DIAPH3: variants seen among roughly 807,000 people sequenced by gnomAD.
DIAPH3 encodes diaphanous related formin 3, also known as protein diaphanous homolog 3.
DIAPH3 carries 117 observed loss-of-function variants against 144.3 expected under a neutral mutation model. The ratio of observed to expected loss-of-function variants is 0.81; its 90% confidence interval spans 0.70 to 0.95. The LOEUF is 0.95. DIAPH3 is among the 40% of genes least tolerant of loss of function. DIAPH3 has a pLI of 0.00. For missense variants in DIAPH3, 1,421 were observed against 1,412.7 expected (o/e 1.01, Z -0.09); for synonymous variants, 519 against 488.9 (o/e 1.06, Z -0.81).
At chr13:59,692,921 A>G (rs2033612256) in intron 27 of DIAPH3, among the ~76,000 whole-genome samples, 1 of 152,198 alleles carries the variant, frequency 6.6e-6, no homozygotes, top group Non-Finnish European at 1.5e-5. Context: ...CTTACATTCT[A>G]TTGGCAAAGG....
At chr13:59,785,187 G>C (rs933319748) in intron 25 of DIAPH3, among the ~76,000 whole-genome samples, 1 of 152,076 alleles carries the variant, frequency 6.6e-6, no homozygotes, top group Non-Finnish European at 1.5e-5. Flanking sequence ...TAAGTGACTG[G>C]CTCAACCACA....
In DIAPH3 at chr13:59,672,987, A is replaced by T. The variant is rs530343845; in HGVS notation, c.3320-6141T>A. On this transcript the variant is annotated intron_variant, in intron 27 of 27. Transcript: ENST00000400324. ...GAAACTATTATATAAACTTCTATTC[A>T]TTCTTGTTCTGTATCACTATCCTTT... Among the ~76,000 whole-genome samples, 8 of 152,346 alleles carry T rather than the reference A, an allele frequency of 5.3e-5. No homozygotes were observed. In the East Asian group the frequency reaches 1.3e-3, roughly 26 times the overall value.
chr13:59,919,081 GA>G (rs1195668809), intron 18 of DIAPH3, among the ~76,000 whole-genome samples: 2 of 150,680 alleles, frequency 1.3e-5, no homozygotes, highest in South Asian at 4.2e-4. Context: ...TCAAGCAGAA[GA>G]AAAAAATCTG....
chr13:59,970,146 C>G lies in DIAPH3; in HGVS notation c.1960-88G>C. Reference sequence around the variant, plus strand: ...ACTATGCATACACTGAGTATCATAGCTGTCAGCAGATATTTATAAAGTCGT... The same window carrying G: ...ACTATGCATACACTGAGTATCATAGGTGTCAGCAGATATTTATAAAGTCGT... On this transcript the variant is annotated intron_variant, in intron 16 of 27. Transcript: ENST00000400324. 3 of 605,894 alleles carry G rather than the reference C, an allele frequency of 5.0e-6. No homozygotes were observed. The East Asian group carries it at 9.7e-5, about 20-fold the overall frequency. The allele number at this position is 605,894 out of a possible 1,614,324, so 37.5% of individuals were successfully genotyped here. A position where few individuals can be genotyped will look rare whatever the true frequency, so the allele number is the denominator to read the frequency against.
intron 21 of DIAPH3, among the ~76,000 whole-genome samples, chr13:59,873,070 G>C (rs2140013097): frequency 6.6e-6 from 1 of 152,304 alleles, no homozygotes; most frequent in East Asian, 1.9e-4. Flanking sequence ...TAGATTAAAT[G>C]TGTTAATGAA....
chr13:60,109,668 TA>T (rs1327520437), intron 3 of DIAPH3, among the ~76,000 whole-genome samples: 5 of 152,296 alleles, frequency 3.3e-5, no homozygotes, highest in African/African-American at 1.2e-4. Flanking sequence ...CTGGGACTTT[TA>T]ACCAGGATCA....
intron 1 of DIAPH3, among the ~76,000 whole-genome samples, chr13:60,161,510 G>A (rs1594810115): frequency 6.6e-6 from 1 of 152,274 alleles, no homozygotes; most frequent in East Asian, 1.9e-4. Flanking sequence ...TGGAACTTCT[G>A]CCCATGTTAA....
At chr13:59,901,479 C>T (rs1004544604) in intron 20 of DIAPH3, among the ~76,000 whole-genome samples, 1 of 152,202 alleles carries the variant, frequency 6.6e-6, no homozygotes, top group Non-Finnish European at 1.5e-5. Context: ...TCCTTCCTAA[C>T]CACACAAATT....
intron 4 of DIAPH3, among the ~76,000 whole-genome samples, chr13:60,050,721 T>C (rs2056298716): frequency 6.6e-6 from 1 of 152,142 alleles, no homozygotes; most frequent in Admixed American, 6.5e-5. Flanking sequence ...CTGAGTGGGA[T>C]GGATAAGTAT....
chr13:59,826,280 C>A (rs1350764228), intron 24 of DIAPH3, among the ~76,000 whole-genome samples: 2 of 86,044 alleles, frequency 2.3e-5, no homozygotes, highest in Non-Finnish European at 5.3e-5. Flanking sequence ...ATCTAGAAAA[C>A]CCCATCGTCT....
In DIAPH3 at chr13:60,015,963, T is replaced by C; in HGVS notation, c.721A>G (p.Lys241Glu). Reference protein sequence around the residue: ...SGKIQEKVVKKNQHKVIQCLK... With the variant: ...SGKIQEKVVKENQHKVIQCLK... ...CACTGTATGACTTTATGTTGATTTT[T>C]CTTTACAACTTTTTCTTGGCTGTAT... Residue 241 changes from lysine to glutamate, a missense_variant, in exon 7 of 28, where the codon AAA becomes GAA. By Grantham distance (56) the Lys-to-Glu change is moderately conservative. Transcript: ENST00000400324. 1 of 1,613,502 alleles carries C rather than the reference T, an allele frequency of 6.2e-7. No homozygotes were observed. The highest frequency in any genetic ancestry group is 1.1e-5 in the South Asian group (1 of 91,034).
At chr13:59,833,456 C>T (rs1593598294) in intron 23 of DIAPH3, among the ~76,000 whole-genome samples, 185 bp from the exon 24 acceptor site, 1 of 151,660 alleles carries the variant, frequency 6.6e-6, no homozygotes, top group East Asian at 1.9e-4. Context: ...ATCTTAAATT[C>T]AATTTCCAAT....
intron 25 of DIAPH3, among the ~76,000 whole-genome samples, chr13:59,786,420 A>G (rs1018087288): frequency 1.3e-5 from 2 of 152,180 alleles, no homozygotes; most frequent in African/African-American, 4.8e-5. Context: ...AAATGGTAAT[A>G]TAAATATACT....
chr13:59,987,991 A>T (rs2051539920), intron 12 of DIAPH3, among the ~76,000 whole-genome samples: 1 of 151,672 alleles, frequency 6.6e-6, no homozygotes. Flanking sequence ...TTCCTCTCTA[A>T]ATTCTAAAGT....
In DIAPH3 at chr13:60,025,302, C is replaced by A. The variant is rs181482257; in HGVS notation, c.627-9157G>T. Among the ~76,000 whole-genome samples, 4 of 149,076 alleles carry A rather than the reference C, an allele frequency of 2.7e-5. No homozygotes were observed. The East Asian group carries it at 7.9e-4, about 29-fold the overall frequency. On this transcript the variant is annotated intron_variant, in intron 5 of 27. Transcript: ENST00000400324. ...CTGACAAAAAGGCAGAAAGACAACC[C>A]AGCAAACTCACCGCCATATTGTTTC...
intron 20 of DIAPH3, among the ~76,000 whole-genome samples, chr13:59,885,429 T>C (rs538074054): frequency 3.0e-5 from 4 of 132,606 alleles, no homozygotes; most frequent in Non-Finnish European, 6.2e-5. Context: ...AAACAGTTTA[T>C]ATAGCTGGCT....
At chr13:60,014,474 A>C (rs1274378733) in intron 7 of DIAPH3, among the ~76,000 whole-genome samples, 1 of 152,158 alleles carries the variant, frequency 6.6e-6, no homozygotes, top group African/African-American at 2.4e-5. Context: ...AGGAAGAAAA[A>C]ATATTTCATT....
At chr13:59,809,541 C>T (rs778022958) in intron 25 of DIAPH3, among the ~76,000 whole-genome samples, 30 of 150,900 alleles carry the variant, frequency 2.0e-4, no homozygotes, top group Non-Finnish European at 3.8e-4. Flanking sequence ...ACACCAGAAT[C>T]TTCTGTAAAT....
intron 17 of DIAPH3, among the ~76,000 whole-genome samples, chr13:59,965,030 T>C (rs182055696): frequency 1.1e-4 from 17 of 152,326 alleles, no homozygotes; most frequent in South Asian, 1.0e-3. Context: ...AAAAATTTTA[T>C]ACACATTTGT....
Sources: gnomAD v4.1 joint callset for allele counts (sites outside exome capture counted in the v4.1 genomes callset) on GRCh38, gnomAD v4.1.1 for gene constraint, MANE v1.5 for transcripts, NCBI Gene and HGNC (gene_info 2026-07-23, HGNC 2026-07-21) for gene names.